Variants in XKR4 observed in about 807,000 individuals in gnomAD.
XKR4 encodes XK-related protein 4.
In XKR4, 12 loss-of-function variants were observed where a neutral mutation model predicts 53.9. The observed-to-expected ratio is 0.22, with a 90% CI of 0.14 to 0.36. XKR4 has a LOEUF of 0.36. Ranked by LOEUF, XKR4 falls within the 10% of genes least tolerant of loss-of-function variation. The pLI, the probability that XKR4 is intolerant of heterozygous loss-of-function variation, is 1.00. For missense variants in XKR4, 799 were observed against 859.5 expected (o/e 0.93, Z 0.88); for synonymous variants, 354 against 362.4 (o/e 0.98, Z 0.26).
intron 1 of XKR4, among the ~76,000 whole-genome samples, chr8:55,218,904 G>A (rs1274725772): frequency 2.0e-5 from 3 of 152,036 alleles, no homozygotes; most frequent in Non-Finnish European, 2.9e-5. Context: ...CATCTGAGAC[G>A]CACACAAGAG....
intron 1 of XKR4, among the ~76,000 whole-genome samples, chr8:55,224,937 A>T (rs1817933395): frequency 6.6e-6 from 1 of 152,226 alleles, no homozygotes; most frequent in South Asian, 2.1e-4. Context: ...AAGAATAAGA[A>T]TTAGGTGTTT....
chr8:55,399,583 T>TG (rs1354749704), intron 2 of XKR4, among the ~76,000 whole-genome samples: 2 of 152,212 alleles, frequency 1.3e-5, no homozygotes, highest in Non-Finnish European at 2.9e-5. Flanking sequence ...CTAGAAACCC[T>TG]GGGTTCTTAG....
intron 1 of XKR4, among the ~76,000 whole-genome samples, chr8:55,246,709 A>C (rs1043279637): frequency 2.8e-5 from 4 of 145,034 alleles, no homozygotes; most frequent in African/African-American, 1.0e-4. Flanking sequence ...GACCCCATTA[A>C]AGTCTTTTTT....
At chr8:55,338,359 T>A (rs545766936) in intron 1 of XKR4, among the ~76,000 whole-genome samples, 20 of 152,268 alleles carry the variant, frequency 1.3e-4, no homozygotes, top group African/African-American at 4.6e-4. Flanking sequence ...GTGCATGTGC[T>A]GTATTTTGGG....
chr8:55,108,735 T>G (rs1030831969), intron 1 of XKR4, among the ~76,000 whole-genome samples: 4 of 152,210 alleles, frequency 2.6e-5, no homozygotes, highest in African/African-American at 9.6e-5. Flanking sequence ...ATATTCCTTA[T>G]GTTTATTAGT....
At chr8:55,372,669 A>G (rs1257609860) in intron 2 of XKR4, among the ~76,000 whole-genome samples, 1 of 151,992 alleles carries the variant, frequency 6.6e-6, no homozygotes, top group Admixed American at 6.6e-5. Context: ...TAGTTTTCAC[A>G]TCATGATGTG....
chr8:55,178,588 C>T (rs1405498313), intron 1 of XKR4, among the ~76,000 whole-genome samples: 1 of 152,154 alleles, frequency 6.6e-6, no homozygotes, highest in East Asian at 1.9e-4. Context: ...AAAACCAAAA[C>T]CTGTCTTTGT....
At chr8:55,114,495 T>G (rs569985212) in intron 1 of XKR4, among the ~76,000 whole-genome samples, 10 of 152,230 alleles carry the variant, frequency 6.6e-5, no homozygotes, top group East Asian at 1.9e-4. Context: ...CCAAAGCACA[T>G]CATCACAAAT....
chr8:55,103,885 A>ATATATATATG (rs1563457065), intron 1 of XKR4, among the ~76,000 whole-genome samples: 3 of 137,432 alleles, frequency 2.2e-5, no homozygotes, highest in African/African-American at 8.6e-5. Context: ...ATATATATAT[A>ATATATATATG]TATATATATC....
chr8:55,128,210 G>A (rs1220326399), intron 1 of XKR4, among the ~76,000 whole-genome samples: 1 of 152,070 alleles, frequency 6.6e-6, no homozygotes, highest in Non-Finnish European at 1.5e-5. Flanking sequence ...GTGTAAAAGT[G>A]TTCCTATTTC....
intron 1 of XKR4, among the ~76,000 whole-genome samples, chr8:55,332,441 A>G (rs1056592018): frequency 6.6e-6 from 1 of 151,648 alleles, no homozygotes; most frequent in Non-Finnish European, 1.5e-5. Context: ...GCATCCTTTC[A>G]CCTCAATTTG....
Position 55,341,347 on chromosome 8 carries a change from T to C in XKR4, c.807-16331T>C, listed in dbSNP as rs113859931. Among the ~76,000 whole-genome samples, 254 of 152,264 alleles carry C rather than the reference T, an allele frequency of 1.7e-3. 1 individual carries two copies. The highest frequency in any genetic ancestry group is 5.7e-3 in the African/African-American group (235 of 41,556). Reference sequence around the variant, plus strand: ...TTGATGCTCCCATTCCCACTTTTCATTGGCAGAGGGCTGCTCCCAGGGCAT... The same window carrying C: ...TTGATGCTCCCATTCCCACTTTTCACTGGCAGAGGGCTGCTCCCAGGGCAT... On this transcript the variant is annotated intron_variant, in intron 1 of 2. Coordinates refer to ENST00000327381, the MANE Select transcript of XKR4 (RefSeq NM_052898.2).
chr8:55,477,206 C>T (rs769167090), intron 2 of XKR4, among the ~76,000 whole-genome samples: 8 of 152,198 alleles, frequency 5.3e-5, no homozygotes, highest in East Asian at 3.9e-4. Context: ...TCCAGAGGAA[C>T]GAGGCAGCAG....
chr8:55,399,599 G>A (rs139720076), intron 2 of XKR4, among the ~76,000 whole-genome samples: 2 of 152,188 alleles, frequency 1.3e-5, no homozygotes, highest in East Asian at 3.9e-4. Context: ...CTTAGAATAA[G>A]GGCACAGACA....
Position 55,374,521 on chromosome 8 carries a change from C to T in XKR4, c.1006+16644C>T, listed in dbSNP as rs139344705. 4.3e-4 allele frequency among the ~76,000 whole-genome samples: 66 copies of T among 152,232 alleles called. 1 individual carries two copies. The East Asian group carries it at 8.1e-3, about 19-fold the overall frequency. ...GGAGAGCTCATTGGAGAAGGCCAAG[C>T]GCAGAACTGGTAAAGTGAACCACCA... On this transcript the variant is annotated intron_variant, in intron 2 of 2. Coordinates refer to ENST00000327381, the MANE Select transcript of XKR4 (RefSeq NM_052898.2).
chr8:55,288,815 C>T (rs1563316114), intron 1 of XKR4, among the ~76,000 whole-genome samples: 1 of 152,204 alleles, frequency 6.6e-6, no homozygotes, highest in Non-Finnish European at 1.5e-5. Flanking sequence ...TAGCCACACT[C>T]AATTCCCTCC....
At chr8:55,364,689 G>A (rs1333837915) in intron 2 of XKR4, among the ~76,000 whole-genome samples, 2 of 152,120 alleles carry the variant, frequency 1.3e-5, no homozygotes, top group African/African-American at 2.4e-5. Flanking sequence ...CTGGAATGCA[G>A]TGGTGCGATC....
At chr8:55,187,344 T>C (rs1243451330) in intron 1 of XKR4, among the ~76,000 whole-genome samples, 2 of 150,522 alleles carry the variant, frequency 1.3e-5, no homozygotes, top group Non-Finnish European at 1.5e-5. Flanking sequence ...ATACCTGCTA[T>C]TGATAGTGAC....
At chr8:55,390,628 G>T (rs951821206) in intron 2 of XKR4, among the ~76,000 whole-genome samples, 4 of 152,192 alleles carry the variant, frequency 2.6e-5, no homozygotes, top group Non-Finnish European at 4.4e-5. Flanking sequence ...TCAGTACTGG[G>T]CACTTTGGTG....
Sources: gnomAD v4.1 joint callset for allele counts (sites outside exome capture counted in the v4.1 genomes callset) on GRCh38, gnomAD v4.1.1 for gene constraint, MANE v1.5 for transcripts, NCBI Gene and HGNC (gene_info 2026-07-23, HGNC 2026-07-21) for gene names.